TMC5: variants seen among roughly 807,000 people sequenced by gnomAD.
TMC5 encodes transmembrane channel like 5, also known as transmembrane channel-like protein 5.
TMC5 carries 86 observed loss-of-function variants against 110.5 expected under a neutral mutation model. The observed-to-expected ratio is 0.78, with a 90% CI of 0.65 to 0.93. The LOEUF is 0.93. Among genes scored for constraint, TMC5 ranks in the 40% least tolerant of loss-of-function variants. The probability of loss-of-function intolerance (pLI) is 0.00; values close to 1 mark genes in which losing one functional copy is unlikely to be tolerated. For synonymous variants in TMC5, 455 were observed against 439.5 expected, an observed-to-expected ratio of 1.04 and a Z score of -0.44; for missense variants, 1,144 against 1,222.8, an observed-to-expected ratio of 0.94 and a Z score of 0.96.
chr16:19,466,275 A>G (rs770969011), intron 9 of TMC5, 42 bp downstream of exon 9: 2 of 1,603,758 alleles, frequency 1.2e-6, no homozygotes, highest in Non-Finnish European at 1.7e-6. Flanking sequence ...GGGTCATGTT[A>G]GATTTCAGCA....
At chr16:19,489,981 C>G (rs1465132637) in intron 17 of TMC5, among the ~76,000 whole-genome samples, 1 of 151,812 alleles carries the variant, frequency 6.6e-6, no homozygotes, top group East Asian at 2.0e-4. Context: ...GATGGAGTCT[C>G]ACTATGTTGC....
Position 19,466,169 on chromosome 16 carries a change from C to T in TMC5, c.1573C>T (p.Gln525Ter), listed in dbSNP as rs1382417400. The T allele has an allele frequency of 1.2e-6, 2 of 1,614,040 alleles. No homozygotes were observed. Among genetic ancestry groups the T allele is most frequent in the African/African-American group, 2.7e-5 (2 of 74,916 alleles). Residue 525 changes from glutamine to a stop codon, truncating the protein, a stop_gained, in exon 9 of 22, where the codon CAG becomes TAG. Transcript: ENST00000542583. LOFTEE classifies it high-confidence loss of function. ...HGNSGASYNM[Q>*]LAYIFTIGAC... is the part of the protein sequence containing the mutation. Reference sequence around the variant, plus strand: ...GAACAGCGGGGCATCCTACAACATGCAGCTGGCCTACATCTTCACAATCGG... The same window carrying T: ...GAACAGCGGGGCATCCTACAACATGTAGCTGGCCTACATCTTCACAATCGG...
intron 18 of TMC5, among the ~76,000 whole-genome samples, chr16:19,491,622 G>A (rs939874752): frequency 2.8e-5 from 4 of 143,952 alleles, no homozygotes; most frequent in African/African-American, 1.0e-4. Flanking sequence ...TGCAAGTTCC[G>A]CCTCCTGGGT....
At chr16:19,437,903 G>T (rs1298432048) in intron 2 of TMC5, among the ~76,000 whole-genome samples, 1 of 152,100 alleles carries the variant, frequency 6.6e-6, no homozygotes, top group Non-Finnish European at 1.5e-5. Flanking sequence ...GCCTTGTCCT[G>T]GTCCTGGAGG....
chr16:19,448,708 A>T (rs567754673), intron 4 of TMC5, among the ~76,000 whole-genome samples: 10,281 of 144,114 alleles, frequency 0.071, 744 homozygotes, highest in African/African-American at 0.19. Flanking sequence ...ATATATTTTA[A>T]TATATTATAT....
intron 5 of TMC5, among the ~76,000 whole-genome samples, chr16:19,458,915 C>T (rs1433815630): frequency 1.3e-5 from 2 of 152,208 alleles, no homozygotes; most frequent in African/African-American, 4.8e-5. Context: ...GTCCCTCAGC[C>T]ACCCTCGGCA....
chr16:19,465,675 G>A (rs1470229088), intron 8 of TMC5, among the ~76,000 whole-genome samples: 1 of 152,148 alleles, frequency 6.6e-6, no homozygotes, highest in East Asian at 1.9e-4. Flanking sequence ...GTGGTTTCTA[G>A]AATTTGTTTC....
chr16:19,449,585 T>A lies in TMC5; in HGVS notation c.1002T>A (p.Tyr334Ter), dbSNP rs772924516. ...YVGESGPVHA[Y>*]GNPPLSECDW... The stretch of plus-strand genomic sequence containing the variant: ...GTGAAAGTGGTCCTGTCCATGCTTA[T>A]GGAAACCCACCATTGTCTGAATGTG... The change falls in exon 5 of 22, where the codon TAT becomes TAA. Residue 334 changes from tyrosine to a stop codon, truncating the protein, a stop_gained. Coordinates refer to ENST00000542583, the MANE Select transcript of TMC5 (RefSeq NM_001261841.2). LOFTEE classifies it high-confidence loss of function. 6.2e-7 allele frequency: 1 copy of A among 1,614,184 alleles called. No individual in the cohort carries two copies. The highest frequency in any genetic ancestry group is 1.1e-5 in the South Asian group (1 of 91,080).
intron 2 of TMC5, among the ~76,000 whole-genome samples, chr16:19,437,970 G>T (rs916795085): frequency 6.6e-6 from 1 of 152,164 alleles, no homozygotes; most frequent in Non-Finnish European, 1.5e-5. Flanking sequence ...GGGGGATGGT[G>T]GACACCTGAG....
intron 13 of TMC5, 149 bp downstream of exon 13, chr16:19,477,667 AG>A: frequency 3.3e-6 from 2 of 599,418 alleles, no homozygotes; most frequent in Non-Finnish European, 5.7e-6. Context: ...AAGCAACATA[AG>A]GCAAAATGGG....
intron 5 of TMC5, among the ~76,000 whole-genome samples, chr16:19,451,111 G>A (rs1465365769): frequency 6.6e-6 from 1 of 152,192 alleles, no homozygotes; most frequent in Non-Finnish European, 1.5e-5. Flanking sequence ...TCTAGCCTAG[G>A]TGACAGAGTG....
At chr16:19,432,425 G>A (rs1442054476) in intron 2 of TMC5, among the ~76,000 whole-genome samples, 2 of 152,138 alleles carry the variant, frequency 1.3e-5, no homozygotes, top group African/African-American at 4.8e-5. Flanking sequence ...AAGAAAGAAA[G>A]TAGGATAGTA....
chr16:19,487,289 A>G lies in TMC5; in HGVS notation c.2536A>G (p.Thr846Ala). The change falls in exon 17 of 22, where the codon ACC becomes GCC. Residue 846 changes from threonine (T) to alanine (A), a missense_variant. Transcript: ENST00000542583. ...FIFLLFFPSFTGVLCTLAITI... is the reference protein window; with the variant it reads ...FIFLLFFPSFAGVLCTLAITI... ...CTTCTTGCTCTTTTTCCCATCCTTC[A>G]CCGGGGTCTTGTGCACCCTGGCCAT... 6.2e-7 allele frequency: 1 copy of G among 1,613,956 alleles called. No individual in the cohort carries two copies. Among genetic ancestry groups the G allele is most frequent in the Non-Finnish European group, 8.5e-7 (1 of 1,179,962 alleles).
At chr16:19,497,503 G>A (rs947820830) in intron 21 of TMC5, among the ~76,000 whole-genome samples, 3 of 152,158 alleles carry the variant, frequency 2.0e-5, no homozygotes, top group African/African-American at 4.8e-5. Flanking sequence ...GGATTCTCAC[G>A]GTGTTTCATA....
intron 20 of TMC5, 113 bp from the exon 21 acceptor site, chr16:19,497,008 C>T (rs1969073410): frequency 9.9e-7 from 1 of 1,009,328 alleles, no homozygotes; most frequent in Non-Finnish European, 1.5e-6. Context: ...AATCTCTCAT[C>T]CCTTAACTTC....
chr16:19,447,358 C>T (rs1057484659), intron 4 of TMC5, among the ~76,000 whole-genome samples: 3 of 152,146 alleles, frequency 2.0e-5, no homozygotes, highest in Non-Finnish European at 4.4e-5. Flanking sequence ...CACACTGTCA[C>T]TTCTGTCATA....
chr16:19,467,128 T>A (rs1414417919), intron 9 of TMC5, among the ~76,000 whole-genome samples: 1 of 151,608 alleles, frequency 6.6e-6, no homozygotes, highest in Admixed American at 6.6e-5. Flanking sequence ...CCTGAGCAAC[T>A]GGAGATCCTG....
intron 1 of TMC5, among the ~76,000 whole-genome samples, chr16:19,418,729 T>G (rs35263937): frequency 0.054 from 498 of 9,298 alleles, 6 homozygotes; most frequent in African/African-American, 0.16. Context: ...ATTTTTGTGT[T>G]TTTTTTTTTT....
chr16:19,464,234 G>A (rs1968101138), intron 8 of TMC5, among the ~76,000 whole-genome samples: 1 of 152,188 alleles, frequency 6.6e-6, no homozygotes, highest in African/African-American at 2.4e-5. Context: ...AGACCAGCCT[G>A]GGCAACATGG....
Sources: allele counts gnomAD v4.1 joint callset (sites outside exome capture counted in the v4.1 genomes callset), GRCh38; gene constraint gnomAD v4.1.1; transcripts MANE v1.5; gene names NCBI Gene and HGNC (gene_info 2026-07-23, HGNC 2026-07-21).